Variants in VAPB observed in about 807,000 individuals in gnomAD.
The protein encoded by VAPB is VAMP associated protein B and C.
VAPB carries 7 observed loss-of-function variants against 25.6 expected under a neutral mutation model. The ratio of observed to expected loss-of-function variants is 0.27; its 90% CI spans 0.16 to 0.51. The LOEUF (loss-of-function observed/expected upper bound fraction) is 0.51, where lower values mean the gene tolerates loss of function less well. Among genes scored for constraint, VAPB ranks in the 20% least tolerant of loss-of-function variants. The pLI is 0.97. For missense variants in VAPB, 266 were observed against 301.3 expected, an observed-to-expected ratio of 0.88 and a Z score of 0.87; for synonymous variants, 112 against 109.2, an observed-to-expected ratio of 1.03 and a Z score of -0.16.
At chr20:58,431,613 C>A (rs1299782767) in intron 2 of VAPB, 1 of 151,804 alleles carries the variant, frequency 6.6e-6, no homozygotes, top group African/African-American at 2.4e-5. Flanking sequence ...CTCTGTCACC[C>A]AGGCTGGAGT....
At chr20:58,417,531 C>T (rs1309973551) in intron 1 of VAPB, among the ~76,000 whole-genome samples, 2 of 152,214 alleles carry the variant, frequency 1.3e-5, no homozygotes, top group Non-Finnish European at 2.9e-5. Context: ...GCCACTGAGC[C>T]TGTTGCAGTC....
rs562837579 is a variant in VAPB, at chr20:58,438,964, A to C, written c.335A>C (p.Glu112Ala). The change falls in exon 4 of 6, where the codon GAA becomes GCA. Residue 112 changes from glutamate to alanine, a missense_variant. This residue lies in a region of VAPB where 98 missense variants were observed against 147.1 expected (regional missense o/e 0.67). Coordinates refer to ENST00000475243, the MANE Select transcript of VAPB (RefSeq NM_004738.5). ...TTTTAGTGGAAGGAGGCAAAACCGG[A>C]AGACCTTATGGATTCAAAACTTAGA... ...MEAVWKEAKP[E>A]DLMDSKLRCV... 1 of 1,613,924 alleles carries C rather than the reference A, an allele frequency of 6.2e-7. No individual in the cohort carries two copies. Among genetic ancestry groups the C allele is most frequent in the South Asian group, 1.1e-5 (1 of 91,072 alleles).
chr20:58,444,371 C>G lies in VAPB; in HGVS notation c.*136C>G, dbSNP rs749868925. ...GGTCTTGCCTTTAAATTACCCCTCC[C>G]TGCACACACATACACAGATACACAC... is the stretch of plus-strand genomic sequence containing the variant. On this transcript the variant is annotated 3_prime_UTR_variant, in exon 6 of 6. Coordinates refer to ENST00000475243, the MANE Select transcript of VAPB (RefSeq NM_004738.5). The G allele has an allele frequency of 2.5e-6, 3 of 1,209,602 alleles. No homozygotes were observed. The South Asian group carries it at 3.7e-5, about 15-fold the overall frequency. The allele number at this position is 1,209,602 out of a possible 1,614,324, so 74.9% of individuals were successfully genotyped here.
At chr20:58,409,808 CAAAG>C (rs1334747591) in intron 1 of VAPB, among the ~76,000 whole-genome samples, 4 of 151,344 alleles carry the variant, frequency 2.6e-5, no homozygotes, top group Non-Finnish European at 4.4e-5. Flanking sequence ...AGATAAATAA[CAAAG>C]GAAGGATATG....
chr20:58,409,904 T>C lies in VAPB; in HGVS notation c.59-8307T>C, dbSNP rs930054952. Among the ~76,000 whole-genome samples, 264 of 148,228 alleles carry C rather than the reference T, an allele frequency of 1.8e-3. 1 individual carries two copies. The highest frequency in any genetic ancestry group is 9.9e-3 in the East Asian group (50 of 5,074). ...GCACAACAAAGAATCTTTATTCATA[T>C]ACACACACACACACACACACACACA... On this transcript the variant is annotated intron_variant, in intron 1 of 5. Coordinates refer to ENST00000475243, the MANE Select transcript of VAPB (RefSeq NM_004738.5).
chr20:58,444,473 T>TATTA lies in VAPB; in HGVS notation c.*241_*244dup, dbSNP rs1283162904. 8 of 656,166 alleles carry TATTA rather than the reference T, an allele frequency of 1.2e-5. No homozygotes were observed. The African/African-American group carries it at 1.2e-4, about 10-fold the overall frequency. The allele number at this position is 656,166 out of a possible 1,614,324, so 40.6% of individuals were successfully genotyped here. ...GATTGAGGGGGAAAAGAATGATCTT[T>TATTA]ATTAATGACAAGGGAAACCATGAGT... On this transcript the variant is annotated 3_prime_UTR_variant, in exon 6 of 6. Coordinates refer to ENST00000475243, the MANE Select transcript of VAPB (RefSeq NM_004738.5).
chr20:58,424,455 C>T (rs1038034704), intron 2 of VAPB, among the ~76,000 whole-genome samples: 2 of 151,642 alleles, frequency 1.3e-5, no homozygotes, highest in Admixed American at 6.6e-5. Flanking sequence ...ATTCCTTAAG[C>T]CTCGGGGAAT....
At chr20:58,416,719 T>G (rs753830240) in intron 1 of VAPB, among the ~76,000 whole-genome samples, 8 of 152,170 alleles carry the variant, frequency 5.3e-5, no homozygotes, top group Non-Finnish European at 1.2e-4. Context: ...TATCACCATT[T>G]TGATTTCTTA....
chr20:58,414,440 C>T (rs550015010), intron 1 of VAPB, among the ~76,000 whole-genome samples: 6 of 150,566 alleles, frequency 4.0e-5, no homozygotes, highest in South Asian at 2.1e-4. Context: ...GGGCAGCCGC[C>T]GGGCGGAGGG....
At position 58,438,990 on chromosome 20, in the gene VAPB, T is replaced by A; in HGVS notation, c.361T>A (p.Cys121Ser). 1 of 1,613,964 alleles carries A rather than the reference T, an allele frequency of 6.2e-7. No individual in the cohort carries two copies. The highest frequency in any genetic ancestry group is 8.5e-7 in the Non-Finnish European group (1 of 1,179,984). Residue 121 changes from cysteine (C) to serine (S), a missense_variant, in exon 4 of 6, where the codon TGT (cysteine) becomes AGT (serine). This residue lies in a region of VAPB where 98 missense variants were observed against 147.1 expected (regional missense o/e 0.67). Transcript: ENST00000475243. ...PEDLMDSKLR[C>S]VFELPAENDK... is the part of the protein sequence containing the mutation. ...AGACCTTATGGATTCAAAACTTAGA[T>A]GTGTGTTTGAATTGCCAGCAGAGAA...
chr20:58,397,156 G>A (rs1337252260), intron 1 of VAPB, among the ~76,000 whole-genome samples: 4 of 152,236 alleles, frequency 2.6e-5, no homozygotes, highest in African/African-American at 9.6e-5. Flanking sequence ...TGACTCCAAA[G>A]AATGTTTGAT....
rs574171891 is a variant in VAPB at position 58,394,598 on chromosome 20, T to TA, written c.58+5082dup. On this transcript the variant is annotated intron_variant, in intron 1 of 5. Coordinates refer to ENST00000475243, the MANE Select transcript of VAPB (RefSeq NM_004738.5). Reference sequence around the variant, plus strand: ...TGCTTATCAAAAGCGGCATTAAACTTACTAAACTTGAGTCAAACGTAAATC... The same window carrying TA: ...TGCTTATCAAAAGCGGCATTAAACTTAACTAAACTTGAGTCAAACGTAAATC... 2.5e-4 allele frequency among the ~76,000 whole-genome samples: 38 copies of TA among 152,386 alleles called. 1 individual carries two copies. The East Asian group carries it at 6.4e-3, about 25-fold the overall frequency.
At chr20:58,419,231 T>A (rs938211092) in intron 2 of VAPB, among the ~76,000 whole-genome samples, 2 of 152,204 alleles carry the variant, frequency 1.3e-5, no homozygotes, top group Admixed American at 1.3e-4. Context: ...AGATTTTGAT[T>A]GTGATACACT....
rs765965868 is a variant in VAPB at position 58,389,257 on chromosome 20, G to GCCTCGC, written c.-192_-187dup. 4.6e-4 allele frequency: 310 copies of GCCTCGC among 670,770 alleles called. 2 individuals carry two copies. Among genetic ancestry groups the GCCTCGC allele is most frequent in the South Asian group, 1.1e-3 (70 of 65,170 alleles). 41.6% of individuals were successfully genotyped at this position (670,770 alleles called of 1,614,324 possible). A position where few individuals can be genotyped will look rare whatever the true frequency, so the allele number is the denominator to read the frequency against. ...TGCCGTCAGCTCGCCGGGCACCGCG[G>GCCTCGC]CCTCGCCCTCGCCCTCCGCCCCTGC... On this transcript the variant is annotated 5_prime_UTR_variant, in exon 1 of 6. Transcript: ENST00000475243.
intron 1 of VAPB, among the ~76,000 whole-genome samples, chr20:58,391,978 C>G (rs1004901136): frequency 3.3e-5 from 5 of 152,224 alleles, no homozygotes; most frequent in African/African-American, 1.2e-4. Context: ...GTTGCTTCTC[C>G]TTGAGCAGTC....
At chr20:58,390,621 T>C (rs1987771930) in intron 1 of VAPB, among the ~76,000 whole-genome samples, 1 of 152,140 alleles carries the variant, frequency 6.6e-6, no homozygotes, top group Non-Finnish European at 1.5e-5. Flanking sequence ...ACAGTCTGAC[T>C]CCATGGAAGC....
At chr20:58,402,047 G>A (rs149118325) in intron 1 of VAPB, among the ~76,000 whole-genome samples, 14 of 152,256 alleles carry the variant, frequency 9.2e-5, no homozygotes, top group Non-Finnish European at 1.6e-4. Context: ...CCCTGATGTG[G>A]TTTTCAAAGA....
At position 58,447,326 on chromosome 20, in the gene VAPB, C is replaced by T. The variant is rs1359165145; in HGVS notation, c.*3091C>T. Reference sequence around the variant, plus strand: ...AGGAACTGGCTTTAACTTTTTTCTCCTCCTAGTTTGCATGTTTTCCTTCTC... The same window carrying T: ...AGGAACTGGCTTTAACTTTTTTCTCTTCCTAGTTTGCATGTTTTCCTTCTC... On this transcript the variant is annotated 3_prime_UTR_variant, in exon 6 of 6. Transcript: ENST00000475243. 1.5e-5 allele frequency: 7 copies of T among 454,088 alleles called. No individual in the cohort carries two copies. Among genetic ancestry groups the T allele is most frequent in the Admixed American group, 1.4e-4 (6 of 42,568 alleles). 28.1% of individuals were successfully genotyped at this position (454,088 alleles called of 1,614,324 possible).
chr20:58,441,367 T>C (rs761676384), intron 5 of VAPB, among the ~76,000 whole-genome samples: 30 of 149,918 alleles, frequency 2.0e-4, no homozygotes, highest in Non-Finnish European at 3.7e-4. Flanking sequence ...CTTGGCCGGG[T>C]GCGGTGGCTC....
Sources: gnomAD v4.1 joint callset for allele counts (sites outside exome capture counted in the v4.1 genomes callset) on GRCh38, gnomAD v4.1.1 for gene constraint, gnomAD v4.1.1 regional missense constraint, MANE v1.5 for transcripts, NCBI Gene and HGNC (gene_info 2026-07-23, HGNC 2026-07-21) for gene names.